Variants in KCNQ5 observed in about 807,000 individuals in gnomAD.
KCNQ5 encodes potassium voltage-gated channel subfamily KQT member 5.
A neutral mutation model predicts 98.2 loss-of-function variants in KCNQ5; 30 were observed. The observed-to-expected ratio is 0.31, with a 90% CI of 0.23 to 0.41. KCNQ5 has a LOEUF of 0.41. KCNQ5 is among the 10% of genes least tolerant of loss of function. The pLI, the probability that KCNQ5 is intolerant of heterozygous loss-of-function variation, is 1.00. For missense variants in KCNQ5, 835 were observed against 1,182.5 expected (o/e 0.71, Z 4.31); for synonymous variants, 458 against 449.4 (o/e 1.02, Z -0.24).
rs369758437 is a variant in KCNQ5 at position 72,730,789 on chromosome 6, G to GT, written c.398+108205dup. Among the ~76,000 whole-genome samples the GT allele has an allele frequency of 4.7e-4, 71 of 151,134 alleles. 2 individuals carry two copies. Among genetic ancestry groups the GT allele is most frequent in the African/African-American group, 1.6e-3 (67 of 41,136 alleles). Reference sequence around the variant, plus strand: ...TTTCAGAATTTTCCTGGCTGCTCTTGTTTGTTTCTTTTTCCATATAAACTT... The same window carrying GT: ...TTTCAGAATTTTCCTGGCTGCTCTTGTTTTGTTTCTTTTTCCATATAAACTT... On this transcript the variant is annotated intron_variant, in intron 1 of 13. Coordinates refer to ENST00000370398, the MANE Select transcript of KCNQ5 (RefSeq NM_019842.4).
chr6:72,668,461 C>T (rs12523691), intron 1 of KCNQ5, among the ~76,000 whole-genome samples: 74,207 of 151,554 alleles, frequency 0.49, 21,353 homozygotes, highest in Non-Finnish European at 0.65. Context: ...CCTGTTGGGA[C>T]TCTGTGTGTG....
At chr6:72,812,808 C>T (rs994378696) in intron 1 of KCNQ5, among the ~76,000 whole-genome samples, 3 of 152,292 alleles carry the variant, frequency 2.0e-5, no homozygotes, top group Non-Finnish European at 4.4e-5. Flanking sequence ...GAACAAGTGA[C>T]AGCAAATTAC....
At chr6:72,866,630 G>C (rs1777999763) in intron 1 of KCNQ5, among the ~76,000 whole-genome samples, 1 of 152,234 alleles carries the variant, frequency 6.6e-6, no homozygotes, top group South Asian at 2.1e-4. Flanking sequence ...TGATACAGTT[G>C]TGCGTTTATA....
chr6:72,892,006 G>A (rs1779075888), intron 1 of KCNQ5, among the ~76,000 whole-genome samples: 1 of 152,088 alleles, frequency 6.6e-6, no homozygotes. Flanking sequence ...TTTACTGTGT[G>A]TAATGGTATG....
chr6:72,950,740 A>G (rs1156587652), intron 1 of KCNQ5, among the ~76,000 whole-genome samples: 1 of 152,154 alleles, frequency 6.6e-6, no homozygotes, highest in Admixed American at 6.5e-5. Flanking sequence ...AACAATTCCA[A>G]TCTAGCATGA....
intron 1 of KCNQ5, among the ~76,000 whole-genome samples, chr6:72,948,297 C>T (rs537768419): frequency 6.6e-6 from 1 of 152,066 alleles, no homozygotes; most frequent in African/African-American, 2.4e-5. Flanking sequence ...AACCAGCTAG[C>T]TTACAAATCC....
chr6:72,902,142 T>G (rs1276018655), intron 1 of KCNQ5, among the ~76,000 whole-genome samples: 1 of 152,202 alleles, frequency 6.6e-6, no homozygotes, highest in South Asian at 2.1e-4. Context: ...ATTTTCAGCT[T>G]GGTCGCTGTT....
intron 10 of KCNQ5, among the ~76,000 whole-genome samples, chr6:73,155,711 GT>G (rs1777336616): frequency 6.6e-6 from 1 of 152,130 alleles, no homozygotes; most frequent in Admixed American, 6.5e-5. Context: ...GATAGGATTT[GT>G]CTTAGAGTGT....
At chr6:72,750,116 G>A (rs1043538371) in intron 1 of KCNQ5, among the ~76,000 whole-genome samples, 9 of 152,126 alleles carry the variant, frequency 5.9e-5, no homozygotes, top group African/African-American at 2.2e-4. Flanking sequence ...TGTAAATGGG[G>A]AGACTTATGA....
At chr6:73,121,335 T>C (rs62415164) in intron 8 of KCNQ5, among the ~76,000 whole-genome samples, 5 of 145,330 alleles carry the variant, frequency 3.4e-5, no homozygotes, top group Non-Finnish European at 7.5e-5. Flanking sequence ...AGATCTGTAA[T>C]TAAAAAAAAA....
rs769249317 is a variant in KCNQ5, at chr6:73,077,764, A to G, written c.795A>G (p.Glu265=). The change falls in exon 5 of 14, where the codon GAA becomes GAG. Residue 265 remains glutamate (E), a splice_region_variant and synonymous_variant. Coordinates refer to ENST00000370398, the MANE Select transcript of KCNQ5 (RefSeq NM_019842.4). The stretch of plus-strand genomic sequence containing the variant: ...TCTTTCATTCCTTTTATATCTAGGA[A>G]TTAATCACAGCTTGGTACATAGGAT... ...LGSVVYAHSK[E]LITAWYIGFL... is the part of the protein sequence containing the mutation. The G allele has an allele frequency of 1.9e-6, 3 of 1,605,524 alleles. No homozygotes were observed. The East Asian group carries it at 6.7e-5, about 36-fold the overall frequency.
At chr6:72,658,541 A>G (rs1766318920) in intron 1 of KCNQ5, among the ~76,000 whole-genome samples, 2 of 139,902 alleles carry the variant, frequency 1.4e-5, no homozygotes, top group South Asian at 4.5e-4. Context: ...TCAGCCTCCC[A>G]AAGTGCTGGG....
chr6:73,172,028 T>A (rs1306566477), intron 11 of KCNQ5, among the ~76,000 whole-genome samples: 1 of 150,954 alleles, frequency 6.6e-6, no homozygotes, highest in Non-Finnish European at 1.5e-5. Context: ...ATTTACTTTG[T>A]TATTCTTCTT....
intron 1 of KCNQ5, among the ~76,000 whole-genome samples, chr6:72,693,425 G>A (rs1488499995): frequency 6.6e-6 from 1 of 152,138 alleles, no homozygotes; most frequent in Non-Finnish European, 1.5e-5. Flanking sequence ...GAACCTTAGC[G>A]CTGGTAGGTT....
intron 7 of KCNQ5, among the ~76,000 whole-genome samples, chr6:73,112,348 T>G (rs1423634453): frequency 1.3e-5 from 2 of 151,520 alleles, no homozygotes; most frequent in African/African-American, 4.9e-5. Context: ...TTTGTTTGTT[T>G]TGTTTTTTTT....
At chr6:72,762,416 TAA>T (rs111784331) in intron 1 of KCNQ5, among the ~76,000 whole-genome samples, 1 of 148,074 alleles carries the variant, frequency 6.8e-6, no homozygotes, top group African/African-American at 2.4e-5. Flanking sequence ...TTAGAATACT[TAA>T]AAAAAAAAAT....
chr6:72,821,069 G>C (rs1386465859), intron 1 of KCNQ5, among the ~76,000 whole-genome samples: 3 of 152,180 alleles, frequency 2.0e-5, no homozygotes, highest in Non-Finnish European at 4.4e-5. Context: ...AGCTTCAAGA[G>C]CTGGTGGAAT....
chr6:72,862,338 G>A (rs1296156555), intron 1 of KCNQ5, among the ~76,000 whole-genome samples: 1 of 152,186 alleles, frequency 6.6e-6, no homozygotes. Flanking sequence ...AGTTGACTAA[G>A]TGTTTTCAAT....
intron 1 of KCNQ5, among the ~76,000 whole-genome samples, chr6:72,782,311 T>A (rs1348884835): frequency 3.3e-5 from 5 of 152,098 alleles, no homozygotes; most frequent in African/African-American, 9.7e-5. Flanking sequence ...GAGAAAGACA[T>A]GATGACTTGA....
Sources: allele counts gnomAD v4.1 joint callset (sites outside exome capture counted in the v4.1 genomes callset), GRCh38; gene constraint gnomAD v4.1.1; transcripts MANE v1.5; gene names NCBI Gene and HGNC (gene_info 2026-07-23, HGNC 2026-07-21).